PTPRN2: variants seen among roughly 807,000 people sequenced by gnomAD.
PTPRN2 encodes the protein protein tyrosine phosphatase receptor type N2, also known as receptor-type tyrosine-protein phosphatase N2.
Under a neutral mutation model 118.8 loss-of-function variants are expected in PTPRN2, and 74 were observed. The observed-to-expected ratio is 0.62, with a 90% confidence interval of 0.52 to 0.76. The LOEUF is 0.76. PTPRN2 is among the 30% of genes least tolerant of loss of function. PTPRN2 has a pLI of 0.00. For missense variants in PTPRN2, 1,481 were observed against 1,394.4 expected (o/e 1.06, Z -0.99); for synonymous variants, 641 against 608.0 (o/e 1.05, Z -0.80).
intron 1 of PTPRN2, among the ~76,000 whole-genome samples, chr7:158,538,601 C>A (rs933023455): frequency 1.2e-4 from 18 of 152,138 alleles, no homozygotes; most frequent in African/African-American, 4.1e-4. Flanking sequence ...AGAGACGCAT[C>A]CCAGCGCCCT....
At chr7:158,013,694 C>T (rs1202969104) in intron 11 of PTPRN2, among the ~76,000 whole-genome samples, 16 of 150,198 alleles carry the variant, frequency 1.1e-4, no homozygotes, top group African/African-American at 3.9e-4. Flanking sequence ...CATCCATTCA[C>T]CCACCCACCC....
Position 157,841,005 on chromosome 7 carries a change from A to C in PTPRN2, c.1788+57668T>G, listed in dbSNP as rs548661797. ...CAGTCTGCAGGGCAACCTGCAATTC[A>C]CAACGGCCGCTGCCTGGCCTGGGAG... On this transcript the variant is annotated intron_variant, in intron 12 of 22. Coordinates refer to ENST00000389418, the MANE Select transcript of PTPRN2 (RefSeq NM_002847.5). Among the ~76,000 whole-genome samples the C allele has an allele frequency of 1.4e-3, 214 of 152,320 alleles. 1 individual carries two copies. Among genetic ancestry groups the C allele is most frequent in the Non-Finnish European group, 2.4e-3 (165 of 68,020 alleles).
chr7:158,185,389 A>G (rs1825052716), intron 5 of PTPRN2, among the ~76,000 whole-genome samples: 1 of 152,216 alleles, frequency 6.6e-6, no homozygotes, highest in Non-Finnish European at 1.5e-5. Context: ...CTGTGGTTCA[A>G]ATCTTCTCTA....
At chr7:157,842,279 G>T (rs117586895) in intron 12 of PTPRN2, among the ~76,000 whole-genome samples, 1 of 152,068 alleles carries the variant, frequency 6.6e-6, no homozygotes, top group East Asian at 1.9e-4. Context: ...CCAATCAGCC[G>T]CCTCGTCCAC....
At chr7:158,387,425 C>T (rs1003538745) in intron 2 of PTPRN2, among the ~76,000 whole-genome samples, 3 of 9,574 alleles carry the variant, frequency 3.1e-4, no homozygotes, top group African/African-American at 6.0e-4. Flanking sequence ...AGCTGGAAGG[C>T]AGATGGTGAC....
chr7:157,743,390 G>A (rs55698237), intron 12 of PTPRN2, among the ~76,000 whole-genome samples: 13,751 of 152,242 alleles, frequency 0.09, 873 homozygotes, highest in Admixed American at 0.2. Context: ...GCCTGCAATC[G>A]GTGCGGCGGG....
intron 12 of PTPRN2, among the ~76,000 whole-genome samples, chr7:157,773,359 C>T (rs2151031759): frequency 6.6e-6 from 1 of 152,290 alleles, no homozygotes; most frequent in East Asian, 1.9e-4. Flanking sequence ...AGAGGCGGCT[C>T]CCAACCTCCA....
chr7:158,028,160 G>A (rs141320007), intron 11 of PTPRN2: 1 of 152,336 alleles, frequency 6.6e-6, no homozygotes, highest in African/African-American at 2.4e-5. Context: ...CCACGCTGTT[G>A]TCTCCTCTCC....
intron 11 of PTPRN2, among the ~76,000 whole-genome samples, chr7:157,922,294 G>A (rs920524734): frequency 2.0e-5 from 3 of 152,180 alleles, no homozygotes; most frequent in Non-Finnish European, 2.9e-5. Context: ...GGGCCAAGGA[G>A]TGGTGACTTG....
At position 157,808,387 on chromosome 7, in the gene PTPRN2, C is replaced by G. The variant is rs1329445727; in HGVS notation, c.1788+90286G>C. On this transcript the variant is annotated intron_variant, in intron 12 of 22. Transcript: ENST00000389418. The surrounding 1 kb of genome is among the most constrained non-coding windows in gnomAD (Gnocchi z 5.0). ...ACTTTGTCGGTATTTATAGCCAGTCCCCATGGCTCACAGTACTGCCTGGGC... is the reference window on the plus strand; with the variant it reads ...ACTTTGTCGGTATTTATAGCCAGTCGCCATGGCTCACAGTACTGCCTGGGC... Among the ~76,000 whole-genome samples the G allele has an allele frequency of 6.6e-6, 1 of 152,030 alleles. No individual in the cohort carries two copies. Among genetic ancestry groups the G allele is most frequent in the African/African-American group, 2.4e-5 (1 of 41,370 alleles).
At chr7:157,608,512 C>T (rs771501382) in intron 15 of PTPRN2, among the ~76,000 whole-genome samples, 4 of 152,114 alleles carry the variant, frequency 2.6e-5, no homozygotes, top group South Asian at 2.1e-4. Flanking sequence ...GTTCCTCGTG[C>T]GGAGAGTTCA....
chr7:158,106,704 T>TA (rs1443596955), intron 10 of PTPRN2, among the ~76,000 whole-genome samples: 2 of 152,164 alleles, frequency 1.3e-5, no homozygotes, highest in South Asian at 2.1e-4. Context: ...CCGAAGGTGA[T>TA]AGAGTGCCTG....
At chr7:157,678,001 G>C (rs904728364) in intron 13 of PTPRN2, among the ~76,000 whole-genome samples, 1 of 152,136 alleles carries the variant, frequency 6.6e-6, no homozygotes, top group Non-Finnish European at 1.5e-5. Context: ...GTAGACATCT[G>C]TACTATCAGC....
chr7:158,585,918 C>T (rs1828881242), intron 1 of PTPRN2, among the ~76,000 whole-genome samples: 1 of 152,174 alleles, frequency 6.6e-6, no homozygotes, highest in African/African-American at 2.4e-5. Flanking sequence ...AGGAATACAA[C>T]CCCAGCAAGA....
Position 157,682,817 on chromosome 7 carries a change from AG to A in PTPRN2, c.1908del (p.Tyr637ThrfsTer11). 6.2e-7 allele frequency: 1 copy of A among 1,614,094 alleles called. No individual in the cohort carries two copies. The highest frequency in any genetic ancestry group is 1.7e-5 in the Admixed American group (1 of 60,032). On this transcript the variant is annotated frameshift_variant, in exon 13 of 23. Coordinates refer to ENST00000389418, the MANE Select transcript of PTPRN2 (RefSeq NM_002847.5). LOFTEE classifies it high-confidence loss of function. Reference protein sequence around the residue: ...ILGVLLASGLIYCLRHSSQHR... With the variant: ...ILGVLLASGLXYCLRHSSQHR... ...TGCTGAGAGCTATGGCGGAGGCAGT[AG>A]ATGAGGCCAGAGGCCAGGAGGACGC...
chr7:157,722,684 A>AC (rs1461181698), intron 12 of PTPRN2, among the ~76,000 whole-genome samples: 1 of 151,610 alleles, frequency 6.6e-6, no homozygotes, highest in Non-Finnish European at 1.5e-5. Context: ...GCCGGGGGGG[A>AC]CAGGGGTGAG....
intron 14 of PTPRN2, 62 bp from the exon 15 acceptor site, chr7:157,621,571 C>T (rs1199938550): frequency 1.3e-6 from 2 of 1,591,726 alleles, no homozygotes; most frequent in African/African-American, 1.3e-5. Flanking sequence ...GGCAGATGCA[C>T]AAAAGGCAGC....
chr7:157,718,485 G>A (rs894520337), intron 12 of PTPRN2, among the ~76,000 whole-genome samples: 1 of 152,198 alleles, frequency 6.6e-6, no homozygotes, highest in African/African-American at 2.4e-5. Flanking sequence ...TGCAGTCCCC[G>A]GCCTGGCTCC....
intron 3 of PTPRN2, among the ~76,000 whole-genome samples, chr7:158,282,152 C>T (rs1232232697): frequency 6.6e-6 from 1 of 151,352 alleles, no homozygotes; most frequent in Admixed American, 6.6e-5. Context: ...CCGCTAAGAA[C>T]CCAACTGTCT....
Sources: allele counts gnomAD v4.1 joint callset (sites outside exome capture counted in the v4.1 genomes callset), GRCh38; gene constraint gnomAD v4.1.1; non-coding constraint Gnocchi (gnomAD v3.1); transcripts MANE v1.5; gene names NCBI Gene and HGNC (gene_info 2026-07-23, HGNC 2026-07-21).